GALNT17: variants seen among roughly 807,000 people sequenced by gnomAD.
GALNT17 encodes polypeptide N-acetylgalactosaminyltransferase 17, also known as UDP-GalNAc:polypeptide N-acetylgalactosaminyltransferase-like 3.
A neutral mutation model predicts 63.7 loss-of-function variants in GALNT17; 29 were observed. The observed-to-expected ratio is 0.46, with a 90% CI of 0.34 to 0.62. The LOEUF (loss-of-function observed/expected upper bound fraction) is 0.62, where lower values mean the gene tolerates loss of function less well. Ranked by LOEUF, GALNT17 falls within the 20% of genes least tolerant of loss-of-function variation. The probability of loss-of-function intolerance (pLI) is 0.01; values close to 1 mark genes in which losing one functional copy is unlikely to be tolerated. For synonymous variants in GALNT17, 305 were observed against 318.3 expected (o/e 0.96, Z 0.45); for missense variants, 603 against 799.6 (o/e 0.75, Z 2.97).
intron 1 of GALNT17, among the ~76,000 whole-genome samples, chr7:71,287,018 T>C (rs1455346355): frequency 6.6e-6 from 1 of 152,120 alleles, no homozygotes; most frequent in African/African-American, 2.4e-5. Flanking sequence ...AGTCTCGTAC[T>C]CCTGGGCCCA....
At chr7:71,210,740 C>A in intron 1 of GALNT17, among the ~76,000 whole-genome samples, 1 of 152,092 alleles carries the variant, frequency 6.6e-6, no homozygotes, top group Non-Finnish European at 1.5e-5. Context: ...AGTTATTTGT[C>A]CTCCCTATGC....
rs1562711740 is a variant in GALNT17, at chr7:71,616,922, A to ATATAATTCTTATAAGAATCATATTAAG, written c.1080+45520_1080+45521insTATAATTCTTATAAGAATCATATTAAG. On this transcript the variant is annotated intron_variant, in intron 6 of 10. Transcript: ENST00000333538. ...TTCTTATAAGAATCATATTAAGAAT[A>ATATAATTCTTATAAGAATCATATTAAG]AATAATTATTATATCATATGGTTAA... Among the ~76,000 whole-genome samples, 10 of 144,812 alleles carry ATATAATTCTTATAAGAATCATATTAAG rather than the reference A, an allele frequency of 6.9e-5. No homozygotes were observed. In the South Asian group the frequency reaches 1.1e-3, roughly 15 times the overall value.
At chr7:71,706,144 G>A (rs1791719900) in intron 9 of GALNT17, among the ~76,000 whole-genome samples, 1 of 152,180 alleles carries the variant, frequency 6.6e-6, no homozygotes, top group East Asian at 1.9e-4. Flanking sequence ...CAGAAAAGGA[G>A]GCAAGTATTG....
chr7:71,506,953 G>A (rs904873434), intron 5 of GALNT17, among the ~76,000 whole-genome samples: 1 of 152,370 alleles, frequency 6.6e-6, no homozygotes, highest in Non-Finnish European at 1.5e-5. Flanking sequence ...AGCACATTCA[G>A]GCCAGGTGCA....
At chr7:71,627,215 C>T in intron 6 of GALNT17, among the ~76,000 whole-genome samples, 1 of 152,208 alleles carries the variant, frequency 6.6e-6, no homozygotes, top group East Asian at 1.9e-4. Context: ...CTTTACAATG[C>T]TGTGTTCATT....
intron 5 of GALNT17, among the ~76,000 whole-genome samples, chr7:71,565,269 G>GA (rs35561906): frequency 0.51 from 76,041 of 149,634 alleles, 19,860 homozygotes; most frequent in African/African-American, 0.63. Context: ...TCCATCTCAA[G>GA]AAAAAAAAAA....
At chr7:71,582,557 G>A (rs1789652002) in intron 6 of GALNT17, among the ~76,000 whole-genome samples, 1 of 151,980 alleles carries the variant, frequency 6.6e-6, no homozygotes, top group Admixed American at 6.6e-5. Flanking sequence ...CTCCAGCCTG[G>A]TGACAGAGCA....
At chr7:71,199,302 T>G (rs1213067022) in intron 1 of GALNT17, among the ~76,000 whole-genome samples, 1 of 152,218 alleles carries the variant, frequency 6.6e-6, no homozygotes, top group African/African-American at 2.4e-5. Context: ...CTGTTTGGCT[T>G]GTGTTAGAAC....
intron 6 of GALNT17, among the ~76,000 whole-genome samples, chr7:71,582,500 G>A (rs977412524): frequency 6.6e-6 from 1 of 151,786 alleles, no homozygotes; most frequent in African/African-American, 2.4e-5. Context: ...GGAATCTCTT[G>A]AACCTGGGAG....
At chr7:71,165,409 A>G (rs1258350549) in intron 1 of GALNT17, among the ~76,000 whole-genome samples, 4 of 152,232 alleles carry the variant, frequency 2.6e-5, no homozygotes, top group Admixed American at 6.5e-5. Flanking sequence ...CCACGTGGCT[A>G]GGGAGGCCTC....
chr7:71,357,876 A>G (rs771593859), intron 2 of GALNT17, among the ~76,000 whole-genome samples: 4 of 152,210 alleles, frequency 2.6e-5, no homozygotes, highest in Non-Finnish European at 5.9e-5. Flanking sequence ...AAATGCACCA[A>G]TCAGTGCTCT....
intron 6 of GALNT17, among the ~76,000 whole-genome samples, chr7:71,632,067 G>A (rs1471547641): frequency 6.6e-6 from 1 of 151,186 alleles, no homozygotes; most frequent in Non-Finnish European, 1.5e-5. Flanking sequence ...AGGCTTTAAA[G>A]GACCTGAAGA....
chr7:71,526,744 G>A (rs138714454), intron 5 of GALNT17, among the ~76,000 whole-genome samples: 3 of 152,018 alleles, frequency 2.0e-5, no homozygotes, highest in East Asian at 3.9e-4. Context: ...AGTCTTGAAC[G>A]CCTGTGTGAT....
At chr7:71,446,562 T>G (rs1787163372) in intron 5 of GALNT17, among the ~76,000 whole-genome samples, 1 of 152,214 alleles carries the variant, frequency 6.6e-6, no homozygotes, top group Non-Finnish European at 1.5e-5. Context: ...TACTTATTTA[T>G]TTTGAGGTGG....
At chr7:71,611,211 T>A (rs1000638173) in intron 6 of GALNT17, among the ~76,000 whole-genome samples, 1 of 152,092 alleles carries the variant, frequency 6.6e-6, no homozygotes, top group African/African-American at 2.4e-5. Flanking sequence ...CTCTTCTTGC[T>A]AAGGCAGATA....
At chr7:71,651,010 T>C (rs1230560500) in intron 6 of GALNT17, among the ~76,000 whole-genome samples, 1 of 152,074 alleles carries the variant, frequency 6.6e-6, no homozygotes, top group East Asian at 1.9e-4. Flanking sequence ...TTGTTAGAAG[T>C]TAAAGGCATC....
At chr7:71,141,803 G>T (rs1293038332) in intron 1 of GALNT17, among the ~76,000 whole-genome samples, 1 of 149,362 alleles carries the variant, frequency 6.7e-6, no homozygotes, top group Admixed American at 6.7e-5. Context: ...CAGCCTGCTT[G>T]GTAGCTGGGA....
intron 1 of GALNT17, among the ~76,000 whole-genome samples, chr7:71,278,728 A>G (rs1449570507): frequency 1.3e-5 from 2 of 152,046 alleles, no homozygotes; most frequent in African/African-American, 4.8e-5. Context: ...TTATAAAACC[A>G]TAGATCTCAT....
chr7:71,619,541 T>C (rs1790262558), intron 6 of GALNT17, among the ~76,000 whole-genome samples: 1 of 152,130 alleles, frequency 6.6e-6, no homozygotes, highest in Non-Finnish European at 1.5e-5. Context: ...GGTATTTCAT[T>C]TTCTTTGTGG....
Sources: allele counts gnomAD v4.1 joint callset (sites outside exome capture counted in the v4.1 genomes callset), GRCh38; gene constraint gnomAD v4.1.1; transcripts MANE v1.5; gene names NCBI Gene and HGNC (gene_info 2026-07-23, HGNC 2026-07-21).